Variants in DOCK1 observed in about 807,000 individuals in gnomAD.
The protein encoded by DOCK1 is dedicator of cytokinesis protein 1.
DOCK1 carries 138 observed loss-of-function variants against 262.7 expected under a neutral mutation model. The observed-to-expected ratio is 0.53, with a 90% CI of 0.46 to 0.61. The LOEUF is 0.61. Ranked by LOEUF, DOCK1 falls within the 20% of genes least tolerant of loss-of-function variation. DOCK1 has a pLI of 0.00. For synonymous variants in DOCK1, 866 were observed against 867.4 expected (o/e 1.00, Z 0.03); for missense variants, 1,908 against 2,370.7 (o/e 0.80, Z 4.05).
chr10:127,199,587 C>T (rs751110316), intron 27 of DOCK1, among the ~76,000 whole-genome samples: 6 of 152,162 alleles, frequency 3.9e-5, no homozygotes, highest in African/African-American at 7.2e-5. Context: ...GGAAGCCAGA[C>T]GCCCAGTGTT....
chr10:126,915,642 G>A (rs1454437878), intron 1 of DOCK1, among the ~76,000 whole-genome samples: 1 of 152,098 alleles, frequency 6.6e-6, no homozygotes, highest in African/African-American at 2.4e-5. Context: ...TTAGTAACAC[G>A]GGGTTTCACT....
intron 46 of DOCK1, among the ~76,000 whole-genome samples, chr10:127,424,569 C>T (rs1442373758): frequency 6.6e-6 from 1 of 152,142 alleles, no homozygotes; most frequent in Non-Finnish European, 1.5e-5. Context: ...ATTCGACATC[C>T]CACCAAAAGT....
At chr10:127,417,868 G>A (rs899743002) in intron 44 of DOCK1, among the ~76,000 whole-genome samples, 3 of 152,116 alleles carry the variant, frequency 2.0e-5, no homozygotes, top group Non-Finnish European at 2.9e-5. Context: ...GAGCCACCAC[G>A]CCTGCCCATC....
intron 21 of DOCK1, among the ~76,000 whole-genome samples, chr10:127,051,985 CTGTT>C (rs1242270316): frequency 1.3e-5 from 2 of 152,192 alleles, no homozygotes; most frequent in Middle Eastern, 3.4e-3. Context: ...TTTTGTGTCT[CTGTT>C]TGGCTGTAAT....
chr10:127,054,067 G>A (rs1350004147), intron 22 of DOCK1, among the ~76,000 whole-genome samples: 1 of 152,184 alleles, frequency 6.6e-6, no homozygotes, highest in East Asian at 1.9e-4. Context: ...ACCTATTAAC[G>A]AGAATAAGGA....
At chr10:126,933,981 A>G (rs2034369568) in intron 1 of DOCK1, among the ~76,000 whole-genome samples, 1 of 151,938 alleles carries the variant, frequency 6.6e-6, no homozygotes. Flanking sequence ...TGCCCAGCTA[A>G]TTTTTGTAAT....
At chr10:127,332,847 C>T (rs1216295039) in intron 29 of DOCK1, among the ~76,000 whole-genome samples, 4 of 152,140 alleles carry the variant, frequency 2.6e-5, no homozygotes, top group Non-Finnish European at 4.4e-5. Flanking sequence ...TGCCAGGAGA[C>T]GGAGCGGCTG....
chr10:126,930,391 G>A (rs2034100538), intron 1 of DOCK1, among the ~76,000 whole-genome samples: 1 of 152,230 alleles, frequency 6.6e-6, no homozygotes. Context: ...CAGCAGCAAA[G>A]GCTGGCTGAA....
chr10:127,415,271 C>T lies in DOCK1; in HGVS notation c.4515+33C>T, dbSNP rs765121618. The T allele has an allele frequency of 1.1e-5, 18 of 1,595,912 alleles. No homozygotes were observed. The African/African-American group carries it at 1.5e-4, about 13-fold the overall frequency. ...TGGCCCCACCCCAGAAGGAATTGTC[C>T]GTTCCCTTCCTCAATACAGTCTGCC... is the stretch of plus-strand genomic sequence containing the variant. On this transcript the variant is annotated intron_variant, in intron 44 of 51. Coordinates refer to ENST00000623213, the MANE Select transcript of DOCK1 (RefSeq NM_001290223.2).
intron 25 of DOCK1, among the ~76,000 whole-genome samples, chr10:127,117,970 G>A (rs2049296632): frequency 1.3e-5 from 2 of 152,278 alleles, no homozygotes; most frequent in African/African-American, 4.8e-5. Flanking sequence ...CTCCCTGGGT[G>A]CACAGTCCTT....
At chr10:127,439,356 G>T (rs2134719059) in intron 49 of DOCK1, 131 bp downstream of exon 49, 1 of 941,298 alleles carries the variant, frequency 1.1e-6, no homozygotes, top group African/African-American at 1.7e-5. Context: ...AGAAACCTGG[G>T]GTCCTCCTCC....
At chr10:127,319,027 T>A (rs1328507931) in intron 29 of DOCK1, among the ~76,000 whole-genome samples, 1 of 152,182 alleles carries the variant, frequency 6.6e-6, no homozygotes, top group East Asian at 1.9e-4. Context: ...GACACCCTAA[T>A]GGCAGGGATC....
chr10:126,912,669 T>TGA (rs2031968227), intron 1 of DOCK1, among the ~76,000 whole-genome samples: 1 of 144,480 alleles, frequency 6.9e-6, no homozygotes, highest in Non-Finnish European at 1.5e-5. Flanking sequence ...GAGCTTGCAG[T>TGA]GAGCCGAGAT....
At chr10:127,087,660 G>A (rs1202166570) in intron 23 of DOCK1, among the ~76,000 whole-genome samples, 1 of 152,176 alleles carries the variant, frequency 6.6e-6, no homozygotes, top group African/African-American at 2.4e-5. Flanking sequence ...GTTTAGGGTA[G>A]TAGCCAAGCC....
At chr10:127,360,381 C>T (rs2064356217) in intron 32 of DOCK1, among the ~76,000 whole-genome samples, 1 of 152,174 alleles carries the variant, frequency 6.6e-6, no homozygotes, top group Non-Finnish European at 1.5e-5. Context: ...GAGGGGCTGG[C>T]CACCACATCA....
intron 7 of DOCK1, chr10:126,997,757 G>C: frequency 3.6e-6 from 1 of 278,520 alleles, no homozygotes; most frequent in Non-Finnish European, 7.0e-6. Flanking sequence ...TGATACATGA[G>C]ACAGATGTCC....
chr10:127,006,966 T>G (rs893322644), intron 10 of DOCK1, among the ~76,000 whole-genome samples: 3 of 152,118 alleles, frequency 2.0e-5, no homozygotes, highest in Non-Finnish European at 4.4e-5. Context: ...ACTGGTGGTC[T>G]CGGGCATCTT....
chr10:127,110,211 T>C, intron 24 of DOCK1, 37 bp from the exon 25 acceptor site: 1 of 1,536,974 alleles, frequency 6.5e-7, no homozygotes, highest in Non-Finnish European at 8.9e-7. Flanking sequence ...TTTTGCTATG[T>C]GTCTCAAAAT....
chr10:127,263,729 T>G (rs1242095384), intron 29 of DOCK1, among the ~76,000 whole-genome samples: 1 of 63,152 alleles, frequency 1.6e-5, no homozygotes, highest in East Asian at 5.6e-4. Flanking sequence ...CTTGCTCGGA[T>G]TCACGCTTTG....
Sources: gnomAD v4.1 joint callset for allele counts (sites outside exome capture counted in the v4.1 genomes callset) on GRCh38, gnomAD v4.1.1 for gene constraint, MANE v1.5 for transcripts, NCBI Gene and HGNC (gene_info 2026-07-23, HGNC 2026-07-21) for gene names.